The following RPS6KA3 variants were observed in gnomAD, a reference collection of about 807,000 sequenced individuals.
RPS6KA3 encodes ribosomal protein S6 kinase alpha-3.
In RPS6KA3, 4 loss-of-function variants were observed where a neutral mutation model predicts 67.2. That is an observed-to-expected ratio of 0.06 (90% CI 0.03 to 0.14). RPS6KA3 has a LOEUF of 0.14. Among genes scored for constraint, RPS6KA3 ranks in the 10% least tolerant of loss-of-function variants. The pLI is 1.00. For synonymous variants in RPS6KA3, 182 were observed against 183.7 expected (o/e 0.99, Z 0.07); for missense variants, 204 against 559.0 (o/e 0.36, Z 6.40).
chrX:20,195,318 T>C (rs1045829269), intron 4 of RPS6KA3, among the ~76,000 whole-genome samples, 173 bp from the exon 5 acceptor site: 14 of 112,085 alleles, frequency 1.2e-4, no homozygotes, highest in Non-Finnish European at 2.3e-4. Flanking sequence ...CTACATTACA[T>C]AACCAAAGGA....
intron 2 of RPS6KA3, among the ~76,000 whole-genome samples, chrX:20,209,939 C>A (rs1199711195): frequency 8.9e-6 from 1 of 112,014 alleles, no homozygotes; most frequent in Non-Finnish European, 1.9e-5. Flanking sequence ...AGTTTTATTC[C>A]TTTGAAATGT....
At chrX:20,169,647 A>C (rs2067524355) in intron 15 of RPS6KA3, 156 bp from the exon 16 acceptor site, 1 of 527,887 alleles carries the variant, frequency 1.9e-6, no homozygotes, top group Non-Finnish European at 3.4e-6. Flanking sequence ...CAGATTGTTT[A>C]ATCAGAAAGC....
chrX:20,231,287 TAAAAGA>T (rs2069258036), intron 2 of RPS6KA3, among the ~76,000 whole-genome samples: 1 of 111,785 alleles, frequency 8.9e-6, no homozygotes, highest in Non-Finnish European at 1.9e-5. Flanking sequence ...ATAAAGAATG[TAAAAGA>T]AAATCAGAAA....
At chrX:20,207,485 T>C (rs112880352) in intron 3 of RPS6KA3, among the ~76,000 whole-genome samples, 4 of 111,922 alleles carry the variant, frequency 3.6e-5, no homozygotes, top group Non-Finnish European at 7.5e-5. Flanking sequence ...ATTGGAGATA[T>C]AAATGTGTTA....
At chrX:20,244,630 CAGATA>C (rs757550413) in intron 1 of RPS6KA3, among the ~76,000 whole-genome samples, 244 of 112,102 alleles carry the variant, frequency 2.2e-3, no homozygotes, top group Middle Eastern at 0.014. Flanking sequence ...ATTAAATTTG[CAGATA>C]AGATAATTAA....
chrX:20,163,167 A>G, intron 18 of RPS6KA3, 127 bp from the exon 19 acceptor site: 1 of 502,673 alleles, frequency 2.0e-6, no homozygotes, highest in East Asian at 3.6e-5. Context: ...ATGGTTACCA[A>G]ATAAGGCAAT....
chrX:20,207,596 G>A (rs748279329), intron 3 of RPS6KA3, among the ~76,000 whole-genome samples: 1 of 111,544 alleles, frequency 9.0e-6, no homozygotes, highest in Admixed American at 9.5e-5. Context: ...ATCGAACCTT[G>A]AAGAACTTCA....
At chrX:20,234,725 T>C in intron 2 of RPS6KA3, 33 bp downstream of exon 2, 2 of 947,682 alleles carry the variant, frequency 2.1e-6, no homozygotes, top group Non-Finnish European at 1.5e-6. Context: ...ATTTCATTTA[T>C]CTATACCCTT....
chrX:20,158,826 C>G (rs1218655155), intron 20 of RPS6KA3, among the ~76,000 whole-genome samples: 1 of 111,628 alleles, frequency 9.0e-6, no homozygotes, highest in African/African-American at 3.3e-5. Flanking sequence ...CTTTCCTTGG[C>G]TCTCTTACAC....
intron 2 of RPS6KA3, among the ~76,000 whole-genome samples, chrX:20,211,964 T>C (rs890521670): frequency 3.6e-5 from 4 of 111,655 alleles, no homozygotes; most frequent in Non-Finnish European, 7.5e-5. Context: ...TTTCACCTTA[T>C]ATTTCATAGC....
chrX:20,170,463 T>C (rs2067545258), intron 15 of RPS6KA3, among the ~76,000 whole-genome samples: 1 of 111,461 alleles, frequency 9.0e-6, no homozygotes, highest in Admixed American at 9.6e-5. Flanking sequence ...GATTTTCTTC[T>C]GCTTCTGCCA....
chrX:20,264,506 A>T (rs1271158993), intron 1 of RPS6KA3, among the ~76,000 whole-genome samples: 1 of 112,131 alleles, frequency 8.9e-6, no homozygotes, highest in Non-Finnish European at 1.9e-5. Context: ...TTTACTATTT[A>T]TCATCTTTGT....
Position 20,153,898 on chromosome X carries a change from G to A in RPS6KA3, c.*1500C>T, listed in dbSNP as rs1403468207. On this transcript the variant is annotated 3_prime_UTR_variant, in exon 22 of 22. Transcript: ENST00000379565. ...GGCCTCCCAAAATGCTGGGATTACA[G>A]GCGTGAGCCACTGCGCCCGGCCTGT... 8.9e-6 allele frequency: 1 copy of A among 112,431 alleles called. No homozygotes were observed. The highest frequency in any genetic ancestry group is 3.2e-5 in the African/African-American group (1 of 30,923). 9.3% of individuals were successfully genotyped at this position (112,431 alleles called of 1,213,427 possible).
chrX:20,197,745 C>G (rs1266570924), intron 4 of RPS6KA3, among the ~76,000 whole-genome samples: 1 of 111,642 alleles, frequency 9.0e-6, no homozygotes, highest in African/African-American at 3.3e-5. Context: ...AGTGACAATT[C>G]TAAATCATCC....
Position 20,187,985 on chromosome X carries a change from A to T in RPS6KA3, c.632-15T>A, listed in dbSNP as rs2068027497. On this transcript the variant is annotated splice_polypyrimidine_tract_variant and intron_variant, in intron 8 of 21. Coordinates refer to ENST00000379565, the MANE Select transcript of RPS6KA3 (RefSeq NM_004586.3). ...TAGGCCGAAATCTGCCAAAACAAAT[A>T]TCATAAATATCCTACATAAATTTGC... 13 of 1,189,010 alleles carry T rather than the reference A, an allele frequency of 1.1e-5. No homozygotes were observed. The highest frequency in any genetic ancestry group is 1.4e-5 in the Non-Finnish European group (12 of 874,747).
At chrX:20,161,576 T>C in intron 20 of RPS6KA3, 68 bp downstream of exon 20, 1 of 483,060 alleles carries the variant, frequency 2.1e-6, no homozygotes. Flanking sequence ...TAACTGGTAG[T>C]ATTTCTTCTC....
chrX:20,156,782 C>T (rs778322321), intron 20 of RPS6KA3, among the ~76,000 whole-genome samples: 6 of 110,976 alleles, frequency 5.4e-5, no homozygotes, highest in Non-Finnish European at 1.1e-4. Flanking sequence ...GTGTTACTCC[C>T]GCTTCAGCCT....
intron 2 of RPS6KA3, among the ~76,000 whole-genome samples, chrX:20,220,259 C>T (rs1171072197): frequency 9.0e-6 from 1 of 111,311 alleles, no homozygotes; most frequent in African/African-American, 3.3e-5. Flanking sequence ...CAATCAAATA[C>T]ATTAGCAGCA....
rs761209050 is a variant in RPS6KA3 at position 20,209,282 on chromosome X, A to C, written c.243+6T>G. 31 of 1,032,877 alleles carry C rather than the reference A, an allele frequency of 3.0e-5. No individual in the cohort carries two copies. The highest frequency in any genetic ancestry group is 2.8e-4 in the Middle Eastern group (1 of 3,520). 85.1% of individuals were successfully genotyped at this position (1,032,877 alleles called of 1,213,427 possible). A position where few individuals can be genotyped will look rare whatever the true frequency, so the allele number is the denominator to read the frequency against. On this transcript the variant is annotated splice_donor_region_variant and intron_variant, in intron 3 of 21. Coordinates refer to ENST00000379565, the MANE Select transcript of RPS6KA3 (RefSeq NM_004586.3). ...ACTCTTAAAAAAGCACACACTCATG[A>C]CTTACCTTTCCAAATGATCCCTGCC...
Sources: allele counts gnomAD v4.1 joint callset (sites outside exome capture counted in the v4.1 genomes callset), GRCh38; gene constraint gnomAD v4.1.1; transcripts MANE v1.5; gene names NCBI Gene and HGNC (gene_info 2026-07-23, HGNC 2026-07-21).